The following GPA33 variants were observed in gnomAD, a reference collection of about 807,000 sequenced individuals.
GPA33 encodes the protein glycoprotein A33.
GPA33 carries 27 observed loss-of-function variants against 35.6 expected under a neutral mutation model. That is an observed-to-expected ratio of 0.76 (90% CI 0.56 to 1.04). GPA33 has a LOEUF of 1.04. GPA33 is among the 50% of genes least tolerant of loss of function. The probability of loss-of-function intolerance (pLI) is 0.00; values close to 1 mark genes in which losing one functional copy is unlikely to be tolerated. For missense variants in GPA33, 428 were observed against 411.9 expected, an observed-to-expected ratio of 1.04 and a Z score of -0.34; for synonymous variants, 176 against 164.0, an observed-to-expected ratio of 1.07 and a Z score of -0.56.
In GPA33 at chr1:167,069,040, A is replaced by G. The variant is rs770431513; in HGVS notation, c.297T>C (p.Asp99=). Reference sequence around the variant, plus strand: ...TCAGCTGATCAATGGTGATGGAGGCATCGGACTGCTCAGCATTGTTGGATA... The same window carrying G: ...TCAGCTGATCAATGGTGATGGAGGCGTCGGACTGCTCAGCATTGTTGGATA... ...VSISNNAEQS[D]ASITIDQLTM... is the part of the protein sequence containing the mutation. The change falls in exon 3 of 7, where the codon GAT becomes GAC. Residue 99 remains aspartate (D), a synonymous_variant. Transcript: ENST00000367868. 1.2e-6 allele frequency: 2 copies of G among 1,613,728 alleles called. No individual in the cohort carries two copies. The highest frequency in any genetic ancestry group is 1.7e-6 in the Non-Finnish European group (2 of 1,179,594).
intron 4 of GPA33, among the ~76,000 whole-genome samples, chr1:167,061,396 T>C (rs1434161082): frequency 6.6e-6 from 1 of 152,092 alleles, no homozygotes; most frequent in African/African-American, 2.4e-5. Flanking sequence ...CTGGAGTCAC[T>C]AGACTATTCA....
chr1:167,066,414 G>T (rs1666593095), intron 3 of GPA33, among the ~76,000 whole-genome samples: 1 of 152,156 alleles, frequency 6.6e-6, no homozygotes, highest in Admixed American at 6.5e-5. Flanking sequence ...ACAGACAATG[G>T]CAAAGAAGTG....
At chr1:167,089,644 C>T (rs1362787804) in intron 1 of GPA33, among the ~76,000 whole-genome samples, 1 of 152,134 alleles carries the variant, frequency 6.6e-6, no homozygotes, top group African/African-American at 2.4e-5. Context: ...TGATTTTGTT[C>T]TGGGAGGTTT....
Position 167,054,236 on chromosome 1 carries a change from G to A in GPA33, c.*98C>T, listed in dbSNP as rs1666179940. On this transcript the variant is annotated 3_prime_UTR_variant, in exon 7 of 7. Transcript: ENST00000367868. ...AATGTCCCCATCAATGTCTGGGATG[G>A]AGGGACAGGAGAACAGGGCTTAGAA... 6.9e-7 allele frequency: 1 copy of A among 1,441,266 alleles called. No homozygotes were observed. Among genetic ancestry groups the A allele is most frequent in the African/African-American group, 1.4e-5 (1 of 71,518 alleles). 89.3% of individuals were successfully genotyped at this position (1,441,266 alleles called of 1,614,324 possible).
chr1:167,079,445 T>C (rs1666882126), intron 1 of GPA33, among the ~76,000 whole-genome samples: 1 of 133,068 alleles, frequency 7.5e-6, no homozygotes, highest in African/African-American at 2.9e-5. Flanking sequence ...TGAGCCGAGA[T>C]CACACCACAG....
At chr1:167,081,373 G>A (rs1666942124) in intron 1 of GPA33, among the ~76,000 whole-genome samples, 1 of 152,194 alleles carries the variant, frequency 6.6e-6, no homozygotes, top group South Asian at 2.1e-4. Context: ...CTGGTGTTGA[G>A]AAAGTGCTGG....
At chr1:167,080,670 AGGTTGTGAGAG>A (rs1340604438) in intron 1 of GPA33, among the ~76,000 whole-genome samples, 1 of 152,174 alleles carries the variant, frequency 6.6e-6, no homozygotes, top group Non-Finnish European at 1.5e-5. Context: ...ATCCAACTCC[AGGTTGTGAGAG>A]GGTTGAATGA....
intron 4 of GPA33, among the ~76,000 whole-genome samples, chr1:167,059,202 A>G (rs1666376756): frequency 6.6e-6 from 1 of 152,130 alleles, no homozygotes; most frequent in South Asian, 2.1e-4. Flanking sequence ...GGGATGAACC[A>G]GTGCAGGTCT....
intron 1 of GPA33, among the ~76,000 whole-genome samples, chr1:167,080,626 G>T (rs935090094): frequency 4.6e-5 from 7 of 152,174 alleles, no homozygotes; most frequent in Non-Finnish European, 8.8e-5. Flanking sequence ...CTGGGCTTCA[G>T]TTTCTTCAAC....
Position 167,090,196 on chromosome 1 carries a change from C to T in GPA33, c.43+49G>A, listed in dbSNP as rs377479144. On this transcript the variant is annotated intron_variant, in intron 1 of 6. Transcript: ENST00000367868. Reference sequence around the variant, plus strand: ...GAGCCTCTCCTTCAGCCCTAGGTCCCCATGTCTCACCCACCCCTGGGCACT... The same window carrying T: ...GAGCCTCTCCTTCAGCCCTAGGTCCTCATGTCTCACCCACCCCTGGGCACT... 5.3e-5 allele frequency: 76 copies of T among 1,439,570 alleles called. 1 individual carries two copies. In the African/African-American group the frequency reaches 9.2e-4, roughly 17 times the overall value. 89.2% of individuals were successfully genotyped at this position (1,439,570 alleles called of 1,614,324 possible). A position where few individuals can be genotyped will look rare whatever the true frequency, so the allele number is the denominator to read the frequency against.
chr1:167,074,822 C>G (rs550320116), intron 1 of GPA33, among the ~76,000 whole-genome samples: 99 of 151,758 alleles, frequency 6.5e-4, no homozygotes, highest in African/African-American at 2.3e-3. Flanking sequence ...AGCAATGTAG[C>G]CCTTATTTAG....
chr1:167,080,476 G>A (rs1443351294), intron 1 of GPA33, among the ~76,000 whole-genome samples: 6 of 152,146 alleles, frequency 3.9e-5, no homozygotes, highest in Non-Finnish European at 4.4e-5. Flanking sequence ...CTGCCTCCTA[G>A]TGCTTCTCTC....
chr1:167,072,755 C>T lies in GPA33; in HGVS notation c.198+630G>A, dbSNP rs144935249. Among the ~76,000 whole-genome samples the T allele has an allele frequency of 4.3e-4, 65 of 152,032 alleles. 1 individual carries two copies. Among genetic ancestry groups the T allele is most frequent in the African/African-American group, 1.5e-3 (62 of 41,478 alleles). On this transcript the variant is annotated intron_variant, in intron 2 of 6. Coordinates refer to ENST00000367868, the MANE Select transcript of GPA33 (RefSeq NM_005814.3). ...AAAGAGCCCAAGATGTATTAAGAGTCGAATGCAAAACAGTATGTGTGTAGT... is the reference window on the plus strand; with the variant it reads ...AAAGAGCCCAAGATGTATTAAGAGTTGAATGCAAAACAGTATGTGTGTAGT...
intron 2 of GPA33, among the ~76,000 whole-genome samples, chr1:167,073,016 A>G (rs1438221523): frequency 6.9e-6 from 1 of 143,972 alleles, no homozygotes; most frequent in East Asian, 2.0e-4. Flanking sequence ...ATAGAAATAG[A>G]AAAAAAAAAC....
At position 167,087,910 on chromosome 1, in the gene GPA33, TCA is replaced by T. The variant is rs375861023; in HGVS notation, c.43+2333_43+2334del. Among the ~76,000 whole-genome samples the T allele has an allele frequency of 7.2e-4, 108 of 149,776 alleles. 1 individual carries two copies. The highest frequency in any genetic ancestry group is 2.6e-3 in the African/African-American group (104 of 40,574). Reference sequence around the variant, plus strand: ...CAGCCTGAGCAAGCCAGACTCTGTCTCACACACACACACACACACACAAAGCA... The same window carrying T: ...CAGCCTGAGCAAGCCAGACTCTGTCTCACACACACACACACACACAAAGCA... On this transcript the variant is annotated intron_variant, in intron 1 of 6. Coordinates refer to ENST00000367868, the MANE Select transcript of GPA33 (RefSeq NM_005814.3).
At chr1:167,058,234 T>C (rs1414355288) in intron 4 of GPA33, 2 of 152,204 alleles carry the variant, frequency 1.3e-5, no homozygotes, top group Non-Finnish European at 1.5e-5. Flanking sequence ...TTTTGTATGA[T>C]AAAAGCAATG....
chr1:167,070,413 T>C (rs1196013709), intron 2 of GPA33, among the ~76,000 whole-genome samples: 1 of 152,172 alleles, frequency 6.6e-6, no homozygotes, highest in Non-Finnish European at 1.5e-5. Context: ...AGTAGGTATA[T>C]GATTACACTC....
chr1:167,056,872 G>A (rs566181361), intron 4 of GPA33, among the ~76,000 whole-genome samples: 68 of 95,006 alleles, frequency 7.2e-4, no homozygotes, highest in Middle Eastern at 5.2e-3. Context: ...TGTGTGGTGT[G>A]TGGTGTGTGT....
intron 4 of GPA33, chr1:167,058,340 A>T (rs866548767): frequency 6.6e-6 from 1 of 152,224 alleles, no homozygotes; most frequent in African/African-American, 2.4e-5. Context: ...GCTATAAACG[A>T]GATGAGGAGG....
Sources: allele counts gnomAD v4.1 joint callset (sites outside exome capture counted in the v4.1 genomes callset), GRCh38; gene constraint gnomAD v4.1.1; transcripts MANE v1.5; gene names NCBI Gene and HGNC (gene_info 2026-07-23, HGNC 2026-07-21).